MAP2K5: variants seen among roughly 807,000 people sequenced by gnomAD.
MAP2K5 encodes dual specificity mitogen-activated protein kinase kinase 5.
MAP2K5 carries 49 observed loss-of-function variants against 83.1 expected under a neutral mutation model. The observed-to-expected ratio is 0.59, with a 90% confidence interval of 0.47 to 0.75. The LOEUF is 0.75. Ranked by LOEUF, MAP2K5 falls within the 30% of genes least tolerant of loss-of-function variation. The pLI, the probability that MAP2K5 is intolerant of heterozygous loss-of-function variation, is 0.00. For synonymous variants in MAP2K5, 202 were observed against 191.8 expected, an observed-to-expected ratio of 1.05 and a Z score of -0.44; for missense variants, 457 against 557.5, an observed-to-expected ratio of 0.82 and a Z score of 1.82.
At position 67,563,140 on chromosome 15, in the gene MAP2K5, A is replaced by G. The variant is rs1310511861; in HGVS notation, c.185-143A>G. On this transcript the variant is annotated intron_variant, in intron 2 of 21. Coordinates refer to ENST00000178640, the MANE Select transcript of MAP2K5 (RefSeq NM_145160.3). The surrounding 1 kb of genome is among the most constrained non-coding windows in gnomAD (Gnocchi z 4.5). ...TCATATTCCAAATGGAAAACAAAACAACAAACTAATAATGTCAACATACCC... is the reference window on the plus strand; with the variant it reads ...TCATATTCCAAATGGAAAACAAAACGACAAACTAATAATGTCAACATACCC... 3 of 874,526 alleles carry G rather than the reference A, an allele frequency of 3.4e-6. No individual in the cohort carries two copies. The East Asian group carries it at 8.2e-5, about 24-fold the overall frequency. 54.2% of individuals were successfully genotyped at this position (874,526 alleles called of 1,614,324 possible).
chr15:67,574,815 C>T (rs183094385), intron 3 of MAP2K5, among the ~76,000 whole-genome samples: 4 of 152,026 alleles, frequency 2.6e-5, no homozygotes, highest in African/African-American at 9.6e-5. Flanking sequence ...TGCACTGAGC[C>T]GAGATCGTAC....
chr15:67,666,115 G>T (rs938713945), intron 13 of MAP2K5, among the ~76,000 whole-genome samples: 4 of 152,128 alleles, frequency 2.6e-5, no homozygotes, highest in Non-Finnish European at 5.9e-5. Context: ...TTCTTTAAAA[G>T]GGCAGTGCCA....
rs2089849306 is a variant in MAP2K5 at position 67,756,869 on chromosome 15, G to A, written c.1134+8268G>A. On this transcript the variant is annotated intron_variant, in intron 19 of 21. Coordinates refer to ENST00000178640, the MANE Select transcript of MAP2K5 (RefSeq NM_145160.3). ...GGTTCATATGCTGTTGCAAATGACA[G>A]GATTTCCTTTTTTAAGGCTGAATAA... is the stretch of plus-strand genomic sequence containing the variant. 2.6e-5 allele frequency among the ~76,000 whole-genome samples: 4 copies of A among 152,010 alleles called. 1 individual carries two copies. In the South Asian group the frequency reaches 8.3e-4, roughly 32 times the overall value.
At chr15:67,727,974 A>G (rs1411815355) in intron 17 of MAP2K5, 29 bp downstream of exon 17, 5 of 1,593,416 alleles carry the variant, frequency 3.1e-6, no homozygotes, top group Non-Finnish European at 4.3e-6. Flanking sequence ...GCTGTTTGCC[A>G]CTGTGACATT....
chr15:67,753,296 T>A (rs888890757), intron 19 of MAP2K5, among the ~76,000 whole-genome samples: 1 of 152,194 alleles, frequency 6.6e-6, no homozygotes, highest in Non-Finnish European at 1.5e-5. Flanking sequence ...CAATGGTTTC[T>A]TAGCTATGAC....
intron 8 of MAP2K5, among the ~76,000 whole-genome samples, chr15:67,612,585 G>A (rs2085952472): frequency 6.6e-6 from 1 of 152,114 alleles, no homozygotes; most frequent in African/African-American, 2.4e-5. Flanking sequence ...GGTAGTTTGT[G>A]TCGTTCAGTT....
rs550694702 is a variant in MAP2K5 at position 67,786,268 on chromosome 15, T to C, written c.1242+13516T>C. On this transcript the variant is annotated intron_variant, in intron 21 of 21. Transcript: ENST00000178640. This position sits in a 1 kb window ranked among gnomAD's most constrained non-coding sequence, Gnocchi z 4.7. ...CAATTGGTGTACACTGAATTGGTAGTCTCTTGGGGTGGTCTCTGTGGTTGA... is the reference window on the plus strand; with the variant it reads ...CAATTGGTGTACACTGAATTGGTAGCCTCTTGGGGTGGTCTCTGTGGTTGA... Among the ~76,000 whole-genome samples the C allele has an allele frequency of 1.8e-4, 27 of 152,114 alleles. 1 individual carries two copies. The South Asian group carries it at 5.6e-3, about 32-fold the overall frequency.
At chr15:67,694,242 G>C (rs1344869747) in intron 15 of MAP2K5, among the ~76,000 whole-genome samples, 2 of 151,876 alleles carry the variant, frequency 1.3e-5, no homozygotes, top group Non-Finnish European at 2.9e-5. Flanking sequence ...ATCACCTTGA[G>C]AGTCAAAGGG....
Position 67,658,536 on chromosome 15 carries a change from C to A in MAP2K5, c.737-17C>A, listed in dbSNP as rs2087146727. ...GGTAATTTCATTTGTAGTAACATGGCATGTTTATCTCTACAGGGGGATCTT... is the reference window on the plus strand; with the variant it reads ...GGTAATTTCATTTGTAGTAACATGGAATGTTTATCTCTACAGGGGGATCTT... On this transcript the variant is annotated splice_polypyrimidine_tract_variant and intron_variant, in intron 11 of 21. Coordinates refer to ENST00000178640, the MANE Select transcript of MAP2K5 (RefSeq NM_145160.3). The A allele has an allele frequency of 1.2e-6, 2 of 1,601,440 alleles. No homozygotes were observed. Among genetic ancestry groups the A allele is most frequent in the African/African-American group, 1.3e-5 (1 of 74,540 alleles).
At chr15:67,579,037 G>A (rs945846290) in intron 3 of MAP2K5, among the ~76,000 whole-genome samples, 1 of 152,304 alleles carries the variant, frequency 6.6e-6, no homozygotes, top group East Asian at 1.9e-4. Context: ...TTAAAGAAAA[G>A]CATTAACTAT....
At chr15:67,691,627 A>T (rs544496647) in intron 13 of MAP2K5, among the ~76,000 whole-genome samples, 26 of 152,302 alleles carry the variant, frequency 1.7e-4, no homozygotes, top group Non-Finnish European at 2.9e-5. Flanking sequence ...AGACGCATTG[A>T]AGCAGATGCT....
chr15:67,703,080 C>T (rs1480944796), intron 15 of MAP2K5, among the ~76,000 whole-genome samples: 1 of 152,176 alleles, frequency 6.6e-6, no homozygotes, highest in Admixed American at 6.5e-5. Context: ...TTTTCTTCAT[C>T]TGTGAAATGA....
chr15:67,721,741 A>G (rs2088964181), intron 16 of MAP2K5, among the ~76,000 whole-genome samples: 1 of 152,198 alleles, frequency 6.6e-6, no homozygotes, highest in African/African-American at 2.4e-5. Context: ...TTGTGAAAAT[A>G]AGCATAAATT....
intron 21 of MAP2K5, among the ~76,000 whole-genome samples, chr15:67,796,291 A>G (rs546330797): frequency 1.3e-5 from 2 of 152,200 alleles, no homozygotes; most frequent in South Asian, 4.1e-4. Context: ...TTGCATTGCT[A>G]CAAAGAAACA....
Position 67,782,173 on chromosome 15 carries a change from C to T in MAP2K5, c.1242+9421C>T, listed in dbSNP as rs1245577068. 6.6e-6 allele frequency among the ~76,000 whole-genome samples: 1 copy of T among 152,192 alleles called. No homozygotes were observed. The highest frequency in any genetic ancestry group is 6.5e-5 in the Admixed American group (1 of 15,290). ...AGTAGATAAGAAAATGTTCCTTTCA[C>T]AAAGAGGCAGTGTCTCCCGCCTCTG... On this transcript the variant is annotated intron_variant, in intron 21 of 21. Coordinates refer to ENST00000178640, the MANE Select transcript of MAP2K5 (RefSeq NM_145160.3). This position sits in a 1 kb window ranked among gnomAD's most constrained non-coding sequence, Gnocchi z 4.9.
At chr15:67,550,998 C>T (rs1487358198) in intron 2 of MAP2K5, among the ~76,000 whole-genome samples, 1 of 152,168 alleles carries the variant, frequency 6.6e-6, no homozygotes, top group Non-Finnish European at 1.5e-5. Context: ...TCTTGAACTC[C>T]TGACCTCAAG....
chr15:67,586,753 A>G (rs1596602679), intron 5 of MAP2K5, 93 bp from the exon 6 acceptor site: 1 of 1,148,302 alleles, frequency 8.7e-7, no homozygotes, highest in Non-Finnish European at 1.3e-6. Flanking sequence ...ATTAACCTTC[A>G]TAGTGAAATG....
intron 7 of MAP2K5, among the ~76,000 whole-genome samples, chr15:67,594,126 C>G (rs2141016229): frequency 6.6e-6 from 1 of 152,114 alleles, no homozygotes; most frequent in African/African-American, 2.4e-5. Context: ...GAATTCTAGT[C>G]CTTAAATATC....
chr15:67,575,922 T>TCTTTCTTTCTTTCTTTC (rs56896938), intron 3 of MAP2K5, among the ~76,000 whole-genome samples: 89 of 58,394 alleles, frequency 1.5e-3, no homozygotes, highest in East Asian at 8.3e-3. Flanking sequence ...CTTTCTTTTT[T>TCTTTCTTTCTTTCTTTC]TTTTTTTTTT....
Sources: allele counts gnomAD v4.1 joint callset (sites outside exome capture counted in the v4.1 genomes callset), GRCh38; gene constraint gnomAD v4.1.1; non-coding constraint Gnocchi (gnomAD v3.1); transcripts MANE v1.5; gene names NCBI Gene and HGNC (gene_info 2026-07-23, HGNC 2026-07-21).